KCNH5: variants seen among roughly 807,000 people sequenced by gnomAD.
KCNH5 encodes voltage-gated delayed rectifier potassium channel KCNH5.
Under a neutral mutation model 96.1 loss-of-function variants are expected in KCNH5, and 46 were observed. The observed-to-expected ratio is 0.48, with a 90% CI of 0.38 to 0.61. The LOEUF is 0.61. KCNH5 is among the 20% of genes least tolerant of loss of function. The pLI is 0.00. For synonymous variants in KCNH5, 439 were observed against 449.8 expected, an observed-to-expected ratio of 0.98 and a Z score of 0.30; for missense variants, 907 against 1,225.8, an observed-to-expected ratio of 0.74 and a Z score of 3.88.
At chr14:62,755,743 T>A (rs957277858) in intron 10 of KCNH5, among the ~76,000 whole-genome samples, 2 of 152,112 alleles carry the variant, frequency 1.3e-5, no homozygotes, top group African/African-American at 4.8e-5. Flanking sequence ...ACAACACATT[T>A]AAAAGTCCAT....
intron 7 of KCNH5, among the ~76,000 whole-genome samples, chr14:62,904,926 G>C (rs944920665): frequency 2.6e-5 from 4 of 152,150 alleles, no homozygotes; most frequent in African/African-American, 9.7e-5. Flanking sequence ...GAAGCAAATG[G>C]AACTAACCTC....
chr14:62,999,101 G>A (rs578039645), intron 4 of KCNH5, among the ~76,000 whole-genome samples: 2 of 152,288 alleles, frequency 1.3e-5, no homozygotes, highest in South Asian at 4.2e-4. Context: ...GATCCCGGAG[G>A]AATCGCCACA....
intron 7 of KCNH5, among the ~76,000 whole-genome samples, chr14:62,928,106 A>G (rs975189337): frequency 2.0e-5 from 3 of 152,078 alleles, no homozygotes; most frequent in African/African-American, 7.2e-5. Context: ...TAAGAATATG[A>G]AAATATGGTG....
rs1402629677 is a variant in KCNH5, at chr14:62,935,284, T to A, written c.1369+14849A>T. 2.0e-5 allele frequency among the ~76,000 whole-genome samples: 3 copies of A among 152,302 alleles called. No individual in the cohort carries two copies. In the East Asian group the frequency reaches 5.8e-4, roughly 29 times the overall value. On this transcript the variant is annotated intron_variant, in intron 7 of 10. Coordinates refer to ENST00000322893, the MANE Select transcript of KCNH5 (RefSeq NM_139318.5). ...ATACATTTATCTCTTCAAGGAGGATTTACTGAGCACCTGCTACACTCCTGT... is the reference window on the plus strand; with the variant it reads ...ATACATTTATCTCTTCAAGGAGGATATACTGAGCACCTGCTACACTCCTGT...
At chr14:63,029,624 A>C (rs1318872991) in intron 1 of KCNH5, among the ~76,000 whole-genome samples, 4 of 152,080 alleles carry the variant, frequency 2.6e-5, no homozygotes, top group Non-Finnish European at 5.9e-5. Context: ...TGTATTTATC[A>C]CTAAGAACTA....
chr14:62,892,931 G>C (rs1016359388), intron 7 of KCNH5, among the ~76,000 whole-genome samples: 5 of 152,124 alleles, frequency 3.3e-5, no homozygotes, highest in Admixed American at 6.6e-5. Flanking sequence ...CTGAAACAGA[G>C]ATGTACAAGA....
chr14:62,932,021 T>C (rs1889589552), intron 7 of KCNH5, among the ~76,000 whole-genome samples: 1 of 152,124 alleles, frequency 6.6e-6, no homozygotes, highest in Non-Finnish European at 1.5e-5. Context: ...CTGAGGGAAT[T>C]GGCAGCCTAA....
chr14:63,005,858 T>C (rs1242583589), intron 3 of KCNH5, among the ~76,000 whole-genome samples: 1 of 152,236 alleles, frequency 6.6e-6, no homozygotes, highest in Non-Finnish European at 1.5e-5. Flanking sequence ...TGACTTGTTC[T>C]GAGAACAACG....
intron 7 of KCNH5, among the ~76,000 whole-genome samples, chr14:62,941,599 T>A (rs1004083712): frequency 2.0e-5 from 3 of 152,174 alleles, no homozygotes; most frequent in Non-Finnish European, 4.4e-5. Context: ...ACACAAAGAA[T>A]TGACCCAGTT....
chr14:62,752,015 T>C (rs1293290349), intron 10 of KCNH5, among the ~76,000 whole-genome samples: 1 of 152,200 alleles, frequency 6.6e-6, no homozygotes, highest in Non-Finnish European at 1.5e-5. Context: ...AGAAACTTTC[T>C]TAACCTTCTC....
chr14:62,758,455 T>C (rs1885673535), intron 10 of KCNH5, among the ~76,000 whole-genome samples: 1 of 152,162 alleles, frequency 6.6e-6, no homozygotes, highest in South Asian at 2.1e-4. Context: ...CCCCGGTGAT[T>C]TGTAGAATTT....
chr14:62,920,714 A>G (rs955366130), intron 7 of KCNH5, among the ~76,000 whole-genome samples: 10 of 152,214 alleles, frequency 6.6e-5, no homozygotes, highest in African/African-American at 2.2e-4. Context: ...ATAAATCATG[A>G]AATCTGAAAG....
At chr14:62,940,057 T>C (rs534715926) in intron 7 of KCNH5, among the ~76,000 whole-genome samples, 8 of 152,332 alleles carry the variant, frequency 5.3e-5, no homozygotes, top group South Asian at 2.1e-4. Context: ...ATAACTGATA[T>C]AAATTCTTAT....
At chr14:63,011,782 G>A (rs573024001) in intron 2 of KCNH5, among the ~76,000 whole-genome samples, 23 of 152,200 alleles carry the variant, frequency 1.5e-4, no homozygotes, top group East Asian at 1.4e-3. Context: ...AAATGGAGCC[G>A]GACTGACTGG....
intron 2 of KCNH5, among the ~76,000 whole-genome samples, chr14:63,009,470 G>A (rs8006836): frequency 4.7e-5 from 7 of 149,312 alleles, no homozygotes; most frequent in Non-Finnish European, 7.4e-5. Flanking sequence ...ATCCGAATGC[G>A]GTTTTTAAAA....
chr14:62,862,919 T>A (rs1888066320), intron 7 of KCNH5, among the ~76,000 whole-genome samples: 1 of 152,162 alleles, frequency 6.6e-6, no homozygotes, highest in Non-Finnish European at 1.5e-5. Context: ...GAGTCATTTC[T>A]TAGACAGCAA....
intron 2 of KCNH5, among the ~76,000 whole-genome samples, chr14:63,011,663 A>C (rs1201047264): frequency 6.6e-6 from 1 of 152,154 alleles, no homozygotes; most frequent in Non-Finnish European, 1.5e-5. Flanking sequence ...TTAAGGAAAA[A>C]CAGGGATAGC....
chr14:62,884,543 T>A (rs1352501147), intron 7 of KCNH5, among the ~76,000 whole-genome samples: 4 of 152,182 alleles, frequency 2.6e-5, no homozygotes, highest in South Asian at 4.1e-4. Flanking sequence ...GGAGAATTGC[T>A]TGAACCCGGG....
At chr14:62,913,025 T>A (rs1889200708) in intron 7 of KCNH5, among the ~76,000 whole-genome samples, 1 of 152,216 alleles carries the variant, frequency 6.6e-6, no homozygotes, top group Non-Finnish European at 1.5e-5. Flanking sequence ...TATTTTCCAA[T>A]AATATCTACA....
Sources: allele counts gnomAD v4.1 joint callset (sites outside exome capture counted in the v4.1 genomes callset), GRCh38; gene constraint gnomAD v4.1.1; transcripts MANE v1.5; gene names NCBI Gene and HGNC (gene_info 2026-07-23, HGNC 2026-07-21).